Variants in GNL3L observed in about 807,000 individuals in gnomAD.
The protein encoded by GNL3L is G protein nucleolar 3 like, also known as guanine nucleotide-binding protein-like 3-like protein.
A neutral mutation model predicts 42.9 loss-of-function variants in GNL3L; 4 were observed. The observed-to-expected ratio is 0.09, with a 90% CI of 0.05 to 0.21. The LOEUF is 0.21. GNL3L is among the 10% of genes least tolerant of loss of function. GNL3L has a pLI of 1.00. For missense variants in GNL3L, 412 were observed against 481.7 expected (o/e 0.86, Z 1.36); for synonymous variants, 159 against 176.3 (o/e 0.90, Z 0.78).
the GNL3L span, among the ~76,000 whole-genome samples, chrX:54,630,811 C>T: frequency 9.9e-6 from 1 of 100,842 alleles, no homozygotes; most frequent in African/African-American, 3.7e-5. Flanking sequence ...CTCTCTCTCT[C>T]TCTCTTTCTT....
intron 8 of GNL3L, 130 bp downstream of exon 8, chrX:54,544,456 G>T: frequency 2.5e-6 from 1 of 400,970 alleles, no homozygotes; most frequent in Non-Finnish European, 4.4e-6. Flanking sequence ...TGAGCTTTTT[G>T]CTCCACCGAG....
At position 54,542,941 on chromosome X, in the gene GNL3L, T is replaced by C. The variant is rs1274694482; in HGVS notation, c.307-14T>C. ...CTCCTCCCCTGGACCATTCTCTTTT[T>C]TTTTCTCCTTTAGGAGGAAGTTTTG... On this transcript the variant is annotated splice_polypyrimidine_tract_variant and intron_variant, in intron 5 of 15. Coordinates refer to ENST00000360845, the MANE Select transcript of GNL3L (RefSeq NM_001184819.2). 9.0e-7 allele frequency: 1 copy of C among 1,113,234 alleles called. No homozygotes were observed. Among genetic ancestry groups the C allele is most frequent in the East Asian group, 3.0e-5 (1 of 33,367 alleles). The allele number at this position is 1,113,234 out of a possible 1,213,427, so 91.7% of individuals were successfully genotyped here. A position where few individuals can be genotyped will look rare whatever the true frequency, so the allele number is the denominator to read the frequency against.
intron 16 of GNL3L, among the ~76,000 whole-genome samples, chrX:54,615,257 C>T (rs1374511103): frequency 1.8e-5 from 2 of 111,979 alleles, no homozygotes; most frequent in Non-Finnish European, 3.8e-5. Flanking sequence ...TTTTTCATTC[C>T]TTTTCATGGC....
intron 15 of GNL3L, among the ~76,000 whole-genome samples, chrX:54,559,082 C>T (rs933483497): frequency 8.9e-6 from 1 of 112,024 alleles, no homozygotes; most frequent in East Asian, 2.8e-4. Flanking sequence ...AACTTCAGCT[C>T]GCATCAGGAT....
Position 54,607,068 on chromosome X carries a change from CT to C in GNL3L, c.*46-13774del, listed in dbSNP as rs1569542621. 2.8e-3 allele frequency among the ~76,000 whole-genome samples: 99 copies of C among 35,979 alleles called. 5 individuals are homozygous for C. Among genetic ancestry groups the C allele is most frequent in the African/African-American group, 8.5e-3 (58 of 6,787 alleles). 31.2% of individuals were successfully genotyped at this position (35,979 alleles called of 115,157 possible). ...TCTTTCTTTCTTTCTTTCTTTCTTT[CT>C]TTCTCTTTCTTTCTTCTTTCTTTCT... On this transcript the variant is annotated intron_variant, in intron 16 of 16. Coordinates refer to the GNL3L transcript ENST00000674498.
At chrX:54,616,207 C>T (rs1216864726) in intron 16 of GNL3L, among the ~76,000 whole-genome samples, 2 of 112,979 alleles carry the variant, frequency 1.8e-5, no homozygotes, top group African/African-American at 6.4e-5. Flanking sequence ...CATATGGGCG[C>T]CACAAGCAGG....
chrX:54,534,438 G>T (rs763043799), intron 2 of GNL3L, among the ~76,000 whole-genome samples: 1 of 111,206 alleles, frequency 9.0e-6, no homozygotes, highest in Non-Finnish European at 1.9e-5. Flanking sequence ...AGAGAATGTT[G>T]TGGGAAATTT....
At chrX:54,642,726 T>C in the GNL3L span, among the ~76,000 whole-genome samples, 1 of 110,926 alleles carries the variant, frequency 9.0e-6, no homozygotes, top group Non-Finnish European at 1.9e-5. Context: ...CCCCACTGCT[T>C]TCTGTCATAT....
intron 16 of GNL3L, among the ~76,000 whole-genome samples, chrX:54,585,667 C>A (rs1287180460): frequency 9.0e-6 from 1 of 111,369 alleles, no homozygotes; most frequent in Non-Finnish European, 1.9e-5. Context: ...AAAGGTTTAT[C>A]AATTTTGCTT....
At chrX:54,628,010 T>C in the GNL3L span, among the ~76,000 whole-genome samples, 1 of 109,609 alleles carries the variant, frequency 9.1e-6, no homozygotes, top group Non-Finnish European at 1.9e-5. Flanking sequence ...CCTCCCTCCC[T>C]TCCCCCTAAG....
rs765980233 is a variant in GNL3L at position 54,558,416 on chromosome X, T to C, written c.1447-20T>C. On this transcript the variant is annotated intron_variant, in intron 14 of 15. Coordinates refer to ENST00000360845, the MANE Select transcript of GNL3L (RefSeq NM_001184819.2). The stretch of plus-strand genomic sequence containing the variant: ...TCTGGGGGTTAAGACCTCATCGTTA[T>C]GTTTTCTGTCTCTTCCTAGATTGGA... 4.5e-6 allele frequency: 5 copies of C among 1,103,593 alleles called. No individual in the cohort carries two copies. The highest frequency in any genetic ancestry group is 5.0e-6 in the Non-Finnish European group (4 of 797,199). The allele number at this position is 1,103,593 out of a possible 1,213,427, so 90.9% of individuals were successfully genotyped here.
intron 16 of GNL3L, among the ~76,000 whole-genome samples, chrX:54,590,827 T>G (rs1218369365): frequency 9.0e-6 from 1 of 110,692 alleles, no homozygotes; most frequent in East Asian, 2.8e-4. Flanking sequence ...TATTCATTCA[T>G]TCATTCATTC....
chrX:54,598,186 T>A lies in GNL3L; in HGVS notation c.*46-22659T>A, dbSNP rs773655581. ...GGTAATAAGTTCATCACCTAATTTT[T>A]AATTTTCTATTTATTTCCTCTGTTT... On this transcript the variant is annotated intron_variant, in intron 16 of 16. Coordinates refer to the GNL3L transcript ENST00000674498. Among the ~76,000 whole-genome samples, 4 of 111,899 alleles carry A rather than the reference T, an allele frequency of 3.6e-5. No individual in the cohort carries two copies. In the South Asian group the frequency reaches 1.5e-3, roughly 41 times the overall value.
rs60110906 is a variant in GNL3L at position 54,537,466 on chromosome X, A to G, written c.20-1574A>G. Among the ~76,000 whole-genome samples, 817 of 111,681 alleles carry G rather than the reference A, an allele frequency of 7.3e-3. 13 individuals carry two copies. The highest frequency in any genetic ancestry group is 0.025 in the African/African-American group (769 of 30,750). On this transcript the variant is annotated intron_variant, in intron 2 of 15. Transcript: ENST00000360845. ...TTCTCTTTCAGGAACTCCTGTTTAG[A>G]TTTTAGCTGTCTTGGCTCTATTGTC...
At position 54,558,553 on chromosome X, in the gene GNL3L, C is replaced by T. The variant is rs754338396; in HGVS notation, c.1564C>T (p.Arg522Cys). 31 of 1,207,187 alleles carry T rather than the reference C, an allele frequency of 2.6e-5. No individual in the cohort carries two copies. Among genetic ancestry groups the T allele is most frequent in the Middle Eastern group, 4.6e-4 (2 of 4,367 alleles). ...NSMVDVCSVD[R>C]RSVLQRIMET... ...TATGGTGGATGTCTGCTCAGTGGACCGCCGCTCAGTGCTGCAGAGGATCAT... is the reference window on the plus strand; with the variant it reads ...TATGGTGGATGTCTGCTCAGTGGACTGCCGCTCAGTGCTGCAGAGGATCAT... Residue 522 changes from arginine to cysteine, a missense_variant, in exon 15 of 16, where the codon CGC becomes TGC. Physicochemically the swap from Arg to Cys is radical, Grantham distance 180 (BLOSUM62 -3). Transcript: ENST00000360845.
rs1359295556 is a variant in GNL3L at position 54,551,896 on chromosome X, A to G, written c.1103A>G (p.His368Arg). Residue 368 changes from histidine to arginine, a missense_variant, in exon 12 of 16, where the codon CAC becomes CGC. His to Arg is a conservative substitution (Grantham distance 29). Coordinates refer to ENST00000360845, the MANE Select transcript of GNL3L (RefSeq NM_001184819.2). The stretch of plus-strand genomic sequence containing the variant: ...GAGCACTTTCTGACGGCAGTGGCCC[A>G]CCGTTTGGGGAAGAAGAAGAAGGGA... ...TTEHFLTAVA[H>R]RLGKKKKGGL... 1 of 1,210,561 alleles carries G rather than the reference A, an allele frequency of 8.3e-7. No individual in the cohort carries two copies. The highest frequency in any genetic ancestry group is 2.2e-5 in the Admixed American group (1 of 46,009).
At chrX:54,552,512 C>T (rs1265572237) in intron 13 of GNL3L, 84 bp downstream of exon 13, 10 of 928,197 alleles carry the variant, frequency 1.1e-5, no homozygotes, top group East Asian at 3.2e-5. Context: ...TTTGACCTCC[C>T]GCTTCCTTGG....
the GNL3L span, among the ~76,000 whole-genome samples, chrX:54,632,896 T>A: frequency 8.9e-6 from 1 of 111,881 alleles, no homozygotes; most frequent in Non-Finnish European, 1.9e-5. Flanking sequence ...TGGTAGACTA[T>A]GTCAGAGGGA....
the GNL3L span, among the ~76,000 whole-genome samples, chrX:54,636,490 G>C: frequency 2.7e-5 from 3 of 111,358 alleles, no homozygotes; most frequent in African/African-American, 6.5e-5. Context: ...AGTGAGCATA[G>C]TATACAATAG....
Sources: gnomAD v4.1 joint callset for allele counts (sites outside exome capture counted in the v4.1 genomes callset) on GRCh38, gnomAD v4.1.1 for gene constraint, MANE v1.5 for transcripts, NCBI Gene and HGNC (gene_info 2026-07-23, HGNC 2026-07-21) for gene names.